Variants in ROBO1 observed in about 807,000 individuals in gnomAD.
ROBO1 encodes roundabout homolog 1.
A neutral mutation model predicts 195.9 loss-of-function variants in ROBO1; 149 were observed. The ratio of observed to expected loss-of-function variants is 0.76; its 90% confidence interval spans 0.67 to 0.87. The LOEUF is 0.87. ROBO1 is among the 40% of genes least tolerant of loss of function. The probability of loss-of-function intolerance (pLI) is 0.00; values close to 1 mark genes in which losing one functional copy is unlikely to be tolerated. For synonymous variants in ROBO1, 816 were observed against 733.2 expected (o/e 1.11, Z -1.82); for missense variants, 1,933 against 2,068.3 (o/e 0.93, Z 1.27).
intron 5 of ROBO1, among the ~76,000 whole-genome samples, chr3:78,742,913 A>T (rs1407753058): frequency 6.6e-6 from 1 of 152,176 alleles, no homozygotes; most frequent in Non-Finnish European, 1.5e-5. Flanking sequence ...AAAGTAAATG[A>T]AGATTCTATA....
At chr3:79,019,392 C>T in intron 3 of ROBO1, 1 of 986,018 alleles carries the variant, frequency 1.0e-6, no homozygotes, top group Middle Eastern at 5.2e-4. Flanking sequence ...CGCGGCTCAC[C>T]CCAGCTCCTC....
intron 5 of ROBO1, among the ~76,000 whole-genome samples, chr3:78,743,579 T>C (rs1230067655): frequency 6.6e-6 from 1 of 151,986 alleles, no homozygotes; most frequent in Non-Finnish European, 1.5e-5. Context: ...GACTCCTATA[T>C]TCATCAGGAT....
At chr3:78,627,191 A>T in intron 26 of ROBO1, 130 bp downstream of exon 26, 1 of 967,274 alleles carries the variant, frequency 1.0e-6, no homozygotes, top group Non-Finnish European at 1.5e-6. Context: ...GCCTGGGTTT[A>T]CTATGGGATG....
At chr3:78,614,554 A>G (rs1703993857) in intron 28 of ROBO1, 94 bp downstream of exon 28, 11 of 1,328,240 alleles carry the variant, frequency 8.3e-6, no homozygotes, top group Non-Finnish European at 1.1e-5. Context: ...TTTTAATGTA[A>G]TTTCTAACGT....
intron 2 of ROBO1, among the ~76,000 whole-genome samples, chr3:79,387,336 A>T (rs545890237): frequency 3.3e-5 from 5 of 152,126 alleles, no homozygotes; most frequent in African/African-American, 1.2e-4. Context: ...ACATTAAAAA[A>T]TGAAAAACAA....
chr3:79,354,274 G>GAAGA (rs1042932745), intron 2 of ROBO1, among the ~76,000 whole-genome samples: 3 of 152,154 alleles, frequency 2.0e-5, no homozygotes, highest in Admixed American at 2.0e-4. Flanking sequence ...AGGAGAATGA[G>GAAGA]AAGAAACAGA....
intron 1 of ROBO1, among the ~76,000 whole-genome samples, chr3:79,759,145 G>T (rs1310378940): frequency 5.9e-5 from 9 of 152,116 alleles, no homozygotes; most frequent in Admixed American, 5.9e-4. Flanking sequence ...TTTAATTGGA[G>T]AATAAAAAGT....
intron 4 of ROBO1, among the ~76,000 whole-genome samples, chr3:78,856,384 T>G (rs935345515): frequency 5.3e-5 from 8 of 151,308 alleles, no homozygotes; most frequent in Admixed American, 2.6e-4. Context: ...ACCAGAAGAC[T>G]ATAGACGCTA....
intron 4 of ROBO1, among the ~76,000 whole-genome samples, chr3:78,863,533 G>A (rs2034981348): frequency 6.6e-6 from 1 of 152,106 alleles, no homozygotes; most frequent in African/African-American, 2.4e-5. Context: ...ATGGGGTTGG[G>A]GAAGGTAATC....
At chr3:79,491,488 G>A (rs1328930113) in intron 2 of ROBO1, among the ~76,000 whole-genome samples, 2 of 152,128 alleles carry the variant, frequency 1.3e-5, no homozygotes, top group Non-Finnish European at 2.9e-5. Context: ...CCTGGCTCTA[G>A]CTGTCATGAA....
At chr3:78,812,516 A>T (rs2084773444) in intron 4 of ROBO1, among the ~76,000 whole-genome samples, 1 of 152,104 alleles carries the variant, frequency 6.6e-6, no homozygotes, top group African/African-American at 2.4e-5. Flanking sequence ...AATGATGATT[A>T]TCCTGATCCC....
chr3:79,195,406 T>C (rs1469030661), intron 2 of ROBO1, among the ~76,000 whole-genome samples: 1 of 151,552 alleles, frequency 6.6e-6, no homozygotes, highest in Non-Finnish European at 1.5e-5. Context: ...AAGTGGCAAT[T>C]GGCAAATATA....
At chr3:79,175,905 T>C (rs1277280279) in intron 2 of ROBO1, among the ~76,000 whole-genome samples, 3 of 152,150 alleles carry the variant, frequency 2.0e-5, no homozygotes, top group Non-Finnish European at 4.4e-5. Flanking sequence ...CTGAGAAAAA[T>C]AAAAATTACA....
intron 5 of ROBO1, among the ~76,000 whole-genome samples, chr3:78,729,807 T>C (rs895310843): frequency 6.6e-6 from 1 of 152,234 alleles, no homozygotes; most frequent in Non-Finnish European, 1.5e-5. Context: ...AAATTCTAGG[T>C]AGATTACATG....
At chr3:78,860,590 T>C (rs937668486) in intron 4 of ROBO1, among the ~76,000 whole-genome samples, 1 of 152,054 alleles carries the variant, frequency 6.6e-6, no homozygotes, top group Non-Finnish European at 1.5e-5. Flanking sequence ...GTAACTAGTC[T>C]AACCACAGAT....
rs1459022858 is a variant in ROBO1 at position 78,758,546 on chromosome 3, AAAATC to A, written c.500-11651_500-11647del. On this transcript the variant is annotated intron_variant, in intron 4 of 30. Coordinates refer to ENST00000464233, the MANE Select transcript of ROBO1 (RefSeq NM_002941.4). ...ATCTCAAAAAAAAAAAAAAAAAAAAAAAATCCTCCTCAGGACATATTGGAAGCCAA... is the reference window on the plus strand; with the variant it reads ...ATCTCAAAAAAAAAAAAAAAAAAAAACTCCTCAGGACATATTGGAAGCCAA... Among the ~76,000 whole-genome samples the A allele has an allele frequency of 7.3e-5, 11 of 150,292 alleles. 1 individual carries two copies. The highest frequency in any genetic ancestry group is 2.7e-4 in the African/African-American group (11 of 41,162).
At position 79,422,213 on chromosome 3, in the gene ROBO1, A is replaced by G. The variant is rs183744011; in HGVS notation, c.88+167611T>C. 4.4e-4 allele frequency among the ~76,000 whole-genome samples: 65 copies of G among 148,856 alleles called. 1 individual carries two copies. Among genetic ancestry groups the G allele is most frequent in the Middle Eastern group, 7.1e-3 (2 of 280 alleles). ...TTATATATTTTGTATCATATTATAT[A>G]TTTTATGTATCATTATATATTGTAA... On this transcript the variant is annotated intron_variant, in intron 2 of 30. Coordinates refer to ENST00000464233, the MANE Select transcript of ROBO1 (RefSeq NM_002941.4).
At chr3:79,494,124 G>C (rs991383852) in intron 2 of ROBO1, among the ~76,000 whole-genome samples, 11 of 152,188 alleles carry the variant, frequency 7.2e-5, no homozygotes, top group African/African-American at 2.6e-4. Flanking sequence ...GTGGACTTTG[G>C]ACTGCTCCAC....
chr3:78,777,193 C>T (rs1046508196), intron 4 of ROBO1, among the ~76,000 whole-genome samples: 2 of 152,084 alleles, frequency 1.3e-5, no homozygotes, highest in Admixed American at 1.3e-4. Flanking sequence ...ATTACAGGAA[C>T]AGACATCTTT....
Sources: gnomAD v4.1 joint callset for allele counts (sites outside exome capture counted in the v4.1 genomes callset) on GRCh38, gnomAD v4.1.1 for gene constraint, MANE v1.5 for transcripts, NCBI Gene and HGNC (gene_info 2026-07-23, HGNC 2026-07-21) for gene names.